CAND1: variants seen among roughly 807,000 people sequenced by gnomAD.
CAND1 encodes the protein cullin-associated NEDD8-dissociated protein 1.
CAND1 carries 7 observed loss-of-function variants against 108.5 expected under a neutral mutation model. The observed-to-expected ratio is 0.06, with a 90% CI of 0.04 to 0.12. The LOEUF is 0.12. CAND1 is among the 10% of genes least tolerant of loss of function. The pLI, the probability that CAND1 is intolerant of heterozygous loss-of-function variation, is 1.00. For missense variants in CAND1, 941 were observed against 1,448.7 expected (o/e 0.65, Z 5.69); for synonymous variants, 534 against 512.0 (o/e 1.04, Z -0.58).
chr12:67,304,460 TTAGCAA>T lies in CAND1; in HGVS notation c.1294-135_1294-130del, dbSNP rs1217285705. On this transcript the variant is annotated intron_variant, in intron 8 of 14. Coordinates refer to ENST00000545606, the MANE Select transcript of CAND1 (RefSeq NM_018448.5). ...TACATGCAACAAACTTGATCTTGTG[TTAGCAA>T]TAGCAATAGATAGCTGAATTAGGAA... 1.8e-5 allele frequency: 13 copies of T among 738,860 alleles called. No homozygotes were observed. In the East Asian group the frequency reaches 3.3e-4, roughly 19 times the overall value. 45.8% of individuals were successfully genotyped at this position (738,860 alleles called of 1,614,324 possible). A position where few individuals can be genotyped will look rare whatever the true frequency, so the allele number is the denominator to read the frequency against.
chr12:67,311,902 G>A (rs1592627469), intron 14 of CAND1, 102 bp downstream of exon 14: 1 of 678,614 alleles, frequency 1.5e-6, no homozygotes, highest in East Asian at 2.7e-5. Flanking sequence ...CCAGTGCTCT[G>A]TGTAGCAGTT....
At position 67,295,141 on chromosome 12, in the gene CAND1, C is replaced by G; in HGVS notation, c.476C>G (p.Ala159Gly). ...SVQLEALDIM[A>G]DMLSRQGGLL... ...CAGCTAGAAGCCTTGGATATTATGG[C>G]TGATATGTTGAGCAGGTAAGTGTGC... The change falls in exon 4 of 15, where the codon GCT (alanine) becomes GGT (glycine). Residue 159 changes from alanine to glycine, a missense_variant. Transcript: ENST00000545606. 6.2e-7 allele frequency: 1 copy of G among 1,612,006 alleles called. No homozygotes were observed. The highest frequency in any genetic ancestry group is 8.5e-7 in the Non-Finnish European group (1 of 1,178,804).
chr12:67,290,704 G>A (rs926208581), intron 2 of CAND1, among the ~76,000 whole-genome samples: 1 of 152,076 alleles, frequency 6.6e-6, no homozygotes, highest in Non-Finnish European at 1.5e-5. Flanking sequence ...GAAGATAGGG[G>A]CCATACTGTC....
intron 13 of CAND1, 79 bp downstream of exon 13, chr12:67,310,395 A>T: frequency 9.6e-7 from 1 of 1,042,874 alleles, no homozygotes; most frequent in Non-Finnish European, 1.4e-6. Flanking sequence ...TAATTTACTC[A>T]TGTGTCTGAG....
At chr12:67,292,508 G>A (rs11176674) in intron 2 of CAND1, 114 bp from the exon 3 acceptor site, 4 of 674,918 alleles carry the variant, frequency 5.9e-6, no homozygotes, top group Non-Finnish European at 9.7e-6. Flanking sequence ...TACAGACATG[G>A]TATATACTTT....
rs2044966673 is a variant in CAND1, at chr12:67,312,841, A to C, written c.*11A>C. 1.3e-6 allele frequency: 2 copies of C among 1,519,376 alleles called. No individual in the cohort carries two copies. The highest frequency in any genetic ancestry group is 1.7e-5 in the Admixed American group (1 of 58,278). 94.1% of individuals were successfully genotyped at this position (1,519,376 alleles called of 1,614,324 possible). ...ATGGACACTAGTTAGATGTTTGTTC[A>C]CCATGGGGACCATTACATATGACCA... On this transcript the variant is annotated 3_prime_UTR_variant, in exon 15 of 15. Transcript: ENST00000545606.
intron 9 of CAND1, 132 bp downstream of exon 9, chr12:67,304,878 T>A: frequency 9.1e-7 from 1 of 1,104,540 alleles, no homozygotes; most frequent in Non-Finnish European, 1.3e-6. Context: ...GCTAACTTTT[T>A]AATCTAACAA....
In CAND1 at chr12:67,311,784, C is replaced by T. The variant is rs1162839078; in HGVS notation, c.3452C>T (p.Ala1151Val). 1.2e-5 allele frequency: 19 copies of T among 1,597,446 alleles called. No homozygotes were observed. The highest frequency in any genetic ancestry group is 1.6e-5 in the Non-Finnish European group (19 of 1,165,088). ...GACCGACTTGTTGAGCCATTACGTG[C>T]AACATGTACAACTAAGGTAAGAAAT... The part of the protein sequence containing the change: ...RLDRLVEPLR[A>V]TCTTKVKANS... Residue 1151 changes from alanine to valine, a missense_variant, in exon 14 of 15, where the codon GCA becomes GTA. Physicochemically the swap from Ala to Val is moderately conservative, Grantham distance 64. Coordinates refer to ENST00000545606, the MANE Select transcript of CAND1 (RefSeq NM_018448.5).
rs771612323 is a variant in CAND1 at position 67,304,761 on chromosome 12, T to C, written c.1435+15T>C. ...ACTTGTACCAGGTATGAAAGAAACA[T>C]AAATCTCTTTTGGGACTTATTGTAG... On this transcript the variant is annotated intron_variant, in intron 9 of 14. Coordinates refer to ENST00000545606, the MANE Select transcript of CAND1 (RefSeq NM_018448.5). 1 of 1,610,988 alleles carries C rather than the reference T, an allele frequency of 6.2e-7. No homozygotes were observed. Among genetic ancestry groups the C allele is most frequent in the Non-Finnish European group, 8.5e-7 (1 of 1,179,186 alleles).
In CAND1 at chr12:67,306,183, C is replaced by T. The variant is rs1277178445; in HGVS notation, c.2515C>T (p.Leu839=). The change falls in exon 10 of 15, where the codon CTA becomes TTA. Residue 839 remains leucine (L), a synonymous_variant. Coordinates refer to ENST00000545606, the MANE Select transcript of CAND1 (RefSeq NM_018448.5). ...RSTDSIRLLA[L]LSLGEVGHHI... is the part of the protein sequence containing the mutation. ...TACAGATTCCATTCGTCTCTTAGCT[C>T]TACTTTCTCTTGGAGAAGTTGGGCA... 3.7e-6 allele frequency: 6 copies of T among 1,614,000 alleles called. No individual in the cohort carries two copies. The highest frequency in any genetic ancestry group is 1.3e-5 in the African/African-American group (1 of 74,904).
In CAND1 at chr12:67,306,014, A is replaced by G. The variant is rs767713302; in HGVS notation, c.2346A>G (p.Pro782=). The G allele has an allele frequency of 8.7e-6, 14 of 1,614,170 alleles. No homozygotes were observed. The highest frequency in any genetic ancestry group is 2.7e-5 in the African/African-American group (2 of 75,064). ...ATTTGTTGCGCATGCTGACTGGTCC[A>G]GTTTACTCTCAGAGCACAGCTCTTA... The part of the protein sequence containing the change: ...YMDLLRMLTG[P]VYSQSTALTH... The change falls in exon 10 of 15, where the codon CCA becomes CCG. Residue 782 remains proline (P), a synonymous_variant. Coordinates refer to ENST00000545606, the MANE Select transcript of CAND1 (RefSeq NM_018448.5).
At chr12:67,303,535 G>A (rs2044846661) in intron 8 of CAND1, among the ~76,000 whole-genome samples, 1 of 152,176 alleles carries the variant, frequency 6.6e-6, no homozygotes, top group African/African-American at 2.4e-5. Flanking sequence ...GCTATGGAAA[G>A]TCAGACATTT....
chr12:67,284,276 C>G (rs549320360), intron 2 of CAND1, among the ~76,000 whole-genome samples: 4 of 149,716 alleles, frequency 2.7e-5, no homozygotes, highest in Non-Finnish European at 5.9e-5. Flanking sequence ...AATGATAATA[C>G]TTAAAAAAAA....
rs1565724527 is a variant in CAND1, at chr12:67,299,113, G to A, written c.1000+18G>A. On this transcript the variant is annotated intron_variant, in intron 7 of 14. Coordinates refer to ENST00000545606, the MANE Select transcript of CAND1 (RefSeq NM_018448.5). Reference sequence around the variant, plus strand: ...TGATCAAGGTATTGCAAATTAAATAGAATCTTTTGAGTTTTTGTGAAAGAC... The same window carrying A: ...TGATCAAGGTATTGCAAATTAAATAAAATCTTTTGAGTTTTTGTGAAAGAC... The A allele has an allele frequency of 1.5e-5, 23 of 1,505,274 alleles. No homozygotes were observed. The South Asian group carries it at 2.8e-4, about 18-fold the overall frequency. 93.2% of individuals were successfully genotyped at this position (1,505,274 alleles called of 1,614,324 possible). A position where few individuals can be genotyped will look rare whatever the true frequency, so the allele number is the denominator to read the frequency against.
At chr12:67,276,548 C>T (rs1258155839) in intron 1 of CAND1, among the ~76,000 whole-genome samples, 1 of 152,080 alleles carries the variant, frequency 6.6e-6, no homozygotes, top group East Asian at 1.9e-4. Context: ...TTCTATGATT[C>T]GGCCTCTTAA....
intron 8 of CAND1, among the ~76,000 whole-genome samples, chr12:67,303,575 G>T (rs2044847355): frequency 6.6e-6 from 1 of 152,152 alleles, no homozygotes; most frequent in Non-Finnish European, 1.5e-5. Flanking sequence ...TTAGATCATT[G>T]TGTAATTAGG....
chr12:67,296,212 T>C (rs1015466821), intron 4 of CAND1, among the ~76,000 whole-genome samples: 3 of 152,124 alleles, frequency 2.0e-5, no homozygotes, highest in Non-Finnish European at 4.4e-5. Context: ...TCACGAACAC[T>C]GATTGTCCTG....
chr12:67,291,804 A>G (rs778650880), intron 2 of CAND1, among the ~76,000 whole-genome samples: 2 of 152,156 alleles, frequency 1.3e-5, no homozygotes, highest in Non-Finnish European at 2.9e-5. Flanking sequence ...CTAAATCTAT[A>G]TGTTGGATGG....
intron 3 of CAND1, among the ~76,000 whole-genome samples, chr12:67,294,278 A>G (rs1456293867): frequency 3.3e-5 from 5 of 152,186 alleles, no homozygotes; most frequent in Non-Finnish European, 2.9e-5. Context: ...TAACAACATG[A>G]CCTACTGTAA....
Sources: allele counts gnomAD v4.1 joint callset (sites outside exome capture counted in the v4.1 genomes callset), GRCh38; gene constraint gnomAD v4.1.1; transcripts MANE v1.5; gene names NCBI Gene and HGNC (gene_info 2026-07-23, HGNC 2026-07-21).